SLC35D4: variants seen among roughly 807,000 people sequenced by gnomAD.
The protein encoded by SLC35D4 is solute carrier family 35 member D4, also known as UDP-N-acetylglucosamine transporter SLC35D4.
the SLC35D4 span, among the ~76,000 whole-genome samples, chr18:23,392,814 G>A: frequency 1.3e-5 from 2 of 152,156 alleles, no homozygotes; most frequent in East Asian, 1.9e-4. Context: ...TATCCCACAG[G>A]AACACAGAGG....
At chr18:23,384,694 G>A in the SLC35D4 span, among the ~76,000 whole-genome samples, 1 of 152,198 alleles carries the variant, frequency 6.6e-6, no homozygotes, top group African/African-American at 2.4e-5. Flanking sequence ...GGATTGGCCG[G>A]GGGTAGGAAT....
At chr18:23,296,428 C>A in the SLC35D4 span, 1 of 152,246 alleles carries the variant, frequency 6.6e-6, no homozygotes, top group South Asian at 2.1e-4. Flanking sequence ...ACCTCAGCCT[C>A]CTAAGTAGCT....
chr18:23,239,674 C>G, the SLC35D4 span, among the ~76,000 whole-genome samples: 1 of 152,182 alleles, frequency 6.6e-6, no homozygotes, highest in African/African-American at 2.4e-5. Context: ...TGATTGAGGC[C>G]TTATTATGAG....
chr18:23,353,009 G>C, the SLC35D4 span, among the ~76,000 whole-genome samples: 8 of 151,344 alleles, frequency 5.3e-5, no homozygotes, highest in Non-Finnish European at 1.2e-4. Context: ...CAAGGCCAAA[G>C]CAAAGGGAGC....
At chr18:23,323,549 A>T in the SLC35D4 span, among the ~76,000 whole-genome samples, 1 of 152,244 alleles carries the variant, frequency 6.6e-6, no homozygotes, top group Non-Finnish European at 1.5e-5. Context: ...ACATGACCAG[A>T]GAGTGAGAAC....
chr18:23,317,193 T>A, the SLC35D4 span, among the ~76,000 whole-genome samples: 1 of 151,878 alleles, frequency 6.6e-6, no homozygotes, highest in African/African-American at 2.4e-5. Context: ...CCCACTAATA[T>A]CCTGTTCCAT....
the SLC35D4 span, among the ~76,000 whole-genome samples, chr18:23,410,255 C>T: frequency 2.3e-4 from 35 of 152,076 alleles, no homozygotes; most frequent in African/African-American, 6.7e-4. Flanking sequence ...CCGAGGTGGG[C>T]GGATCACGAG....
chr18:23,240,768 G>A, the SLC35D4 span, among the ~76,000 whole-genome samples: 1 of 152,332 alleles, frequency 6.6e-6, no homozygotes, highest in East Asian at 1.9e-4. Flanking sequence ...GCGCCCACCT[G>A]AAATCCTGGG....
the SLC35D4 span, among the ~76,000 whole-genome samples, chr18:23,417,437 A>G: frequency 3.9e-5 from 6 of 152,222 alleles, no homozygotes; most frequent in South Asian, 8.3e-4. Flanking sequence ...CAAATATTGT[A>G]CAACTCAATT....
the SLC35D4 span, among the ~76,000 whole-genome samples, chr18:23,410,658 A>G: frequency 6.6e-6 from 1 of 150,728 alleles, no homozygotes; most frequent in African/African-American, 2.4e-5. Context: ...GTAGCCGGGC[A>G]TCATGGCGGG....
At chr18:23,345,976 A>G in the SLC35D4 span, among the ~76,000 whole-genome samples, 6 of 152,110 alleles carry the variant, frequency 3.9e-5, no homozygotes, top group Non-Finnish European at 8.8e-5. Context: ...CATTACTAAT[A>G]TATAAAACTT....
At chr18:23,373,723 T>C in the SLC35D4 span, 54 of 1,613,782 alleles carry the variant, frequency 3.3e-5, 1 homozygote, top group South Asian at 5.8e-4. Context: ...TGGGAGTCAT[T>C]GAAGGGAAGG....
chr18:23,356,626 G>T, the SLC35D4 span: 1 of 1,614,200 alleles, frequency 6.2e-7, no homozygotes, highest in Admixed American at 1.7e-5. The surrounding 1 kb of genome is among the most constrained non-coding windows in gnomAD (Gnocchi z 4.1). Flanking sequence ...ATCTGTAGAA[G>T]TACAGGAATG....
chr18:23,319,603 A>C, the SLC35D4 span, among the ~76,000 whole-genome samples: 1 of 151,922 alleles, frequency 6.6e-6, no homozygotes, highest in South Asian at 2.1e-4. Flanking sequence ...ATGCCCAGCT[A>C]ATATTTTGTA....
At chr18:23,433,206 C>T in the SLC35D4 span, among the ~76,000 whole-genome samples, 4 of 151,970 alleles carry the variant, frequency 2.6e-5, no homozygotes, top group African/African-American at 7.2e-5. Context: ...ACTACAGGCA[C>T]GCACCACCAT....
At chr18:23,312,291 C>T in the SLC35D4 span, among the ~76,000 whole-genome samples, 1 of 152,274 alleles carries the variant, frequency 6.6e-6, no homozygotes, top group South Asian at 2.1e-4. Flanking sequence ...GATAGCTGGT[C>T]TGCTCATTCC....
At chr18:23,288,475 G>T in the SLC35D4 span, among the ~76,000 whole-genome samples, 16 of 151,882 alleles carry the variant, frequency 1.1e-4, no homozygotes, top group African/African-American at 3.1e-4. Flanking sequence ...GCCCAGGACT[G>T]GCAAATTTGC....
the SLC35D4 span, among the ~76,000 whole-genome samples, chr18:23,261,445 A>T: frequency 1.3e-5 from 2 of 152,042 alleles, no homozygotes; most frequent in South Asian, 4.2e-4. Flanking sequence ...AACATGGCAA[A>T]ACCCTGTCTC....
the SLC35D4 span, among the ~76,000 whole-genome samples, chr18:23,425,211 G>A: frequency 7.9e-5 from 12 of 152,062 alleles, no homozygotes; most frequent in Admixed American, 3.3e-4. Flanking sequence ...AGCAATTTGC[G>A]TGTTTCAGCC....
Sources: gnomAD v4.1 joint callset for allele counts (sites outside exome capture counted in the v4.1 genomes callset) on GRCh38, gnomAD v4.1.1 for gene constraint, Gnocchi (gnomAD v3.1) non-coding constraint, MANE v1.5 for transcripts, NCBI Gene and HGNC (gene_info 2026-07-23, HGNC 2026-07-21) for gene names.